ARHGAP42: variants seen among roughly 807,000 people sequenced by gnomAD.
ARHGAP42 encodes the protein rho GTPase-activating protein 42.
ARHGAP42 carries 63 observed loss-of-function variants against 125.0 expected under a neutral mutation model. The ratio of observed to expected loss-of-function variants is 0.50; its 90% CI spans 0.41 to 0.62. The LOEUF is 0.62. Ranked by LOEUF, ARHGAP42 falls within the 20% of genes least tolerant of loss-of-function variation. The probability of loss-of-function intolerance (pLI) is 0.00; values close to 1 mark genes in which losing one functional copy is unlikely to be tolerated. For missense variants in ARHGAP42, 766 were observed against 1,024.2 expected (o/e 0.75, Z 3.44); for synonymous variants, 339 against 351.0 (o/e 0.97, Z 0.38).
chr11:100,785,500 G>A (rs1166928369), intron 2 of ARHGAP42, among the ~76,000 whole-genome samples: 1 of 152,230 alleles, frequency 6.6e-6, no homozygotes, highest in African/African-American at 2.4e-5. Context: ...GTGAATTACA[G>A]AGAAGAGGTC....
chr11:100,826,256 A>G (rs1591213378), intron 3 of ARHGAP42, among the ~76,000 whole-genome samples: 2 of 152,180 alleles, frequency 1.3e-5, no homozygotes, highest in African/African-American at 4.8e-5. Context: ...TTGGGGAAAC[A>G]CATGAATGAG....
intron 3 of ARHGAP42, among the ~76,000 whole-genome samples, chr11:100,811,770 G>T (rs1333058853): frequency 6.6e-6 from 1 of 152,066 alleles, no homozygotes; most frequent in Non-Finnish European, 1.5e-5. Flanking sequence ...AAAGTGCTGG[G>T]ATTATAGGCA....
intron 3 of ARHGAP42, among the ~76,000 whole-genome samples, chr11:100,796,787 T>TC (rs1324303283): frequency 5.7e-5 from 7 of 123,176 alleles, no homozygotes; most frequent in African/African-American, 1.7e-4. Flanking sequence ...TTTTTTTTTT[T>TC]CAGACAGAGT....
intron 1 of ARHGAP42, among the ~76,000 whole-genome samples, chr11:100,706,234 G>C (rs77886008): frequency 0.024 from 3,696 of 152,228 alleles, 64 homozygotes; most frequent in Non-Finnish European, 0.031. Context: ...TGGATGATTT[G>C]ATTACTTCCC....
intron 4 of ARHGAP42, among the ~76,000 whole-genome samples, chr11:100,880,213 T>C (rs1246644609): frequency 6.6e-6 from 1 of 152,190 alleles, no homozygotes; most frequent in African/African-American, 2.4e-5. Flanking sequence ...CCAAGCAGTA[T>C]ACACTGTATC....
intron 20 of ARHGAP42, 59 bp downstream of exon 20, chr11:100,976,496 T>A: frequency 1.4e-6 from 2 of 1,459,096 alleles, no homozygotes; most frequent in Non-Finnish European, 1.8e-6. Context: ...TGTGCTGGAT[T>A]ATTCAGCATG....
At chr11:100,848,424 A>T (rs771879561) in intron 3 of ARHGAP42, among the ~76,000 whole-genome samples, 13 of 152,010 alleles carry the variant, frequency 8.6e-5, no homozygotes, top group Non-Finnish European at 1.2e-4. Flanking sequence ...CATGGAGATA[A>T]GGAGAGTTTT....
chr11:100,807,470 A>G (rs182081419), intron 3 of ARHGAP42, among the ~76,000 whole-genome samples: 1 of 152,330 alleles, frequency 6.6e-6, no homozygotes, highest in East Asian at 1.9e-4. Context: ...TGCTAGGATT[A>G]CAGGCGTGAG....
At chr11:100,851,868 A>G (rs1303156386) in intron 3 of ARHGAP42, among the ~76,000 whole-genome samples, 1 of 152,158 alleles carries the variant, frequency 6.6e-6, no homozygotes, top group African/African-American at 2.4e-5. Flanking sequence ...GTGCCTATGT[A>G]TGTGTGAGAA....
intron 22 of ARHGAP42, among the ~76,000 whole-genome samples, chr11:100,984,023 G>A (rs1298337948): frequency 1.3e-5 from 2 of 151,718 alleles, no homozygotes; most frequent in African/African-American, 4.8e-5. Flanking sequence ...AAGCTAAGAT[G>A]GGAAGATCAC....
At chr11:100,974,365 G>A in intron 18 of ARHGAP42, 94 bp from the exon 19 acceptor site, 1 of 1,156,070 alleles carries the variant, frequency 8.6e-7, no homozygotes, top group Non-Finnish European at 1.2e-6. Flanking sequence ...ATATTTTGCA[G>A]CTGATTAAGT....
chr11:100,851,773 G>A (rs187315865), intron 3 of ARHGAP42, among the ~76,000 whole-genome samples: 2 of 152,232 alleles, frequency 1.3e-5, no homozygotes, highest in East Asian at 1.9e-4. Context: ...GCGTAATTAC[G>A]TATTTGGCTC....
At chr11:100,974,434 C>T (rs1194387720) in intron 18 of ARHGAP42, 25 bp from the exon 19 acceptor site, 15 of 1,544,766 alleles carry the variant, frequency 9.7e-6, no homozygotes, top group Non-Finnish European at 1.2e-5. Flanking sequence ...TTTTATTGAC[C>T]TTGGTCCATT....
chr11:100,896,177 CTT>C (rs1164783442), intron 4 of ARHGAP42, among the ~76,000 whole-genome samples: 4 of 152,120 alleles, frequency 2.6e-5, no homozygotes, highest in African/African-American at 9.7e-5. Context: ...TGAACTCATC[CTT>C]TTTTATGGCT....
chr11:100,956,840 G>A (rs79044971), intron 12 of ARHGAP42, among the ~76,000 whole-genome samples: 10 of 151,986 alleles, frequency 6.6e-5, no homozygotes, highest in Non-Finnish European at 4.4e-5. Flanking sequence ...CTCTATCCAT[G>A]AATATTTTAA....
intron 1 of ARHGAP42, among the ~76,000 whole-genome samples, chr11:100,690,544 T>A (rs1861170187): frequency 6.6e-6 from 1 of 152,208 alleles, no homozygotes; most frequent in Non-Finnish European, 1.5e-5. Context: ...CAATTTTAAA[T>A]AATACATATA....
At chr11:100,904,854 T>C (rs1286057287) in intron 4 of ARHGAP42, among the ~76,000 whole-genome samples, 2 of 152,264 alleles carry the variant, frequency 1.3e-5, no homozygotes, top group African/African-American at 4.8e-5. Flanking sequence ...AATGAGGATT[T>C]ATTATTCTTA....
intron 4 of ARHGAP42, among the ~76,000 whole-genome samples, chr11:100,897,548 T>G (rs1246489425): frequency 6.6e-6 from 1 of 152,166 alleles, no homozygotes; most frequent in Non-Finnish European, 1.5e-5. Flanking sequence ...CTTGAAGAGG[T>G]CCTTCACATC....
At chr11:100,920,524 C>G (rs1867209089) in intron 5 of ARHGAP42, among the ~76,000 whole-genome samples, 4 of 152,068 alleles carry the variant, frequency 2.6e-5, no homozygotes, top group African/African-American at 7.2e-5. Flanking sequence ...CTCCAGAAAG[C>G]CCCTTCTTTC....
Sources: gnomAD v4.1 joint callset for allele counts (sites outside exome capture counted in the v4.1 genomes callset) on GRCh38, gnomAD v4.1.1 for gene constraint, MANE v1.5 for transcripts, NCBI Gene and HGNC (gene_info 2026-07-23, HGNC 2026-07-21) for gene names.